Variants in PARD3 observed in about 807,000 individuals in gnomAD.
The protein encoded by PARD3 is partitioning defective 3 homolog.
A neutral mutation model predicts 155.4 loss-of-function variants in PARD3; 75 were observed. The ratio of observed to expected loss-of-function variants is 0.48; its 90% CI spans 0.40 to 0.58. The LOEUF (loss-of-function observed/expected upper bound fraction) is 0.58. PARD3 is among the 20% of genes least tolerant of loss of function. The probability of loss-of-function intolerance (pLI) is 0.00; values close to 1 mark genes in which losing one functional copy is unlikely to be tolerated. For synonymous variants in PARD3, 576 were observed against 610.5 expected, an observed-to-expected ratio of 0.94 and a Z score of 0.83; for missense variants, 1,642 against 1,721.7, an observed-to-expected ratio of 0.95 and a Z score of 0.82.
At chr10:34,276,845 CAT>C (rs978567530) in intron 21 of PARD3, among the ~76,000 whole-genome samples, 8 of 152,112 alleles carry the variant, frequency 5.3e-5, no homozygotes, top group Non-Finnish European at 8.8e-5. Context: ...TCTCTTTTTA[CAT>C]GTTGTATTTT....
intron 1 of PARD3, among the ~76,000 whole-genome samples, chr10:34,709,561 G>A (rs2094420051): frequency 6.6e-6 from 1 of 152,304 alleles, no homozygotes; most frequent in Non-Finnish European, 1.5e-5. Context: ...GGTGGAGGCG[G>A]GGGCCACACA....
chr10:34,138,886 C>G (rs1283351573), intron 22 of PARD3, among the ~76,000 whole-genome samples: 1 of 151,320 alleles, frequency 6.6e-6, no homozygotes, highest in Non-Finnish European at 1.5e-5. Context: ...TTATTCTTTT[C>G]CCAATTAAAA....
chr10:34,775,239 C>T (rs1839393284), intron 1 of PARD3, among the ~76,000 whole-genome samples: 1 of 152,158 alleles, frequency 6.6e-6, no homozygotes, highest in Non-Finnish European at 1.5e-5. Flanking sequence ...ACAAATCAGT[C>T]AGGCATGGTG....
chr10:34,504,510 C>T (rs1177184415), intron 3 of PARD3, among the ~76,000 whole-genome samples: 1 of 151,290 alleles, frequency 6.6e-6, no homozygotes, highest in African/African-American at 2.4e-5. Context: ...TACTAATTTA[C>T]CAATCAATAT....
At chr10:34,214,078 T>C (rs1160584552) in intron 22 of PARD3, among the ~76,000 whole-genome samples, 1 of 151,966 alleles carries the variant, frequency 6.6e-6, no homozygotes. Context: ...AAAATATATT[T>C]TTTGTAGAGA....
chr10:34,508,221 C>T (rs1046751662), intron 3 of PARD3, among the ~76,000 whole-genome samples: 2 of 151,772 alleles, frequency 1.3e-5, no homozygotes, highest in African/African-American at 4.8e-5. Flanking sequence ...GACAAATTTC[C>T]CAAGTAATGG....
chr10:34,607,555 C>T (rs2090564555), intron 2 of PARD3, among the ~76,000 whole-genome samples: 2 of 152,164 alleles, frequency 1.3e-5, no homozygotes, highest in African/African-American at 2.4e-5. Flanking sequence ...TACACAAATT[C>T]CAAATGACAG....
intron 2 of PARD3, among the ~76,000 whole-genome samples, chr10:34,539,350 ATAAAT>A (rs2083442565): frequency 1.3e-5 from 2 of 152,228 alleles, no homozygotes; most frequent in Admixed American, 1.3e-4. Flanking sequence ...TTACAGTTAA[ATAAAT>A]TAAAAAGCAG....
At chr10:34,250,044 C>T (rs1954201225) in intron 22 of PARD3, among the ~76,000 whole-genome samples, 1 of 152,148 alleles carries the variant, frequency 6.6e-6, no homozygotes, top group Non-Finnish European at 1.5e-5. Context: ...AAACTATGTA[C>T]TTCCTGCCTG....
chr10:34,419,313 T>A (rs1197872435), intron 5 of PARD3, among the ~76,000 whole-genome samples: 1 of 151,978 alleles, frequency 6.6e-6, no homozygotes, highest in Non-Finnish European at 1.5e-5. Context: ...GGTCAGGAGT[T>A]CAAGACCAGC....
chr10:34,283,085 T>C (rs1264171406), intron 21 of PARD3, among the ~76,000 whole-genome samples: 8 of 152,136 alleles, frequency 5.3e-5, no homozygotes, highest in East Asian at 1.9e-4. Flanking sequence ...GAAGGATGAA[T>C]GAAAAAATAC....
chr10:34,323,161 C>T (rs1958479358), intron 19 of PARD3, among the ~76,000 whole-genome samples: 1 of 152,082 alleles, frequency 6.6e-6, no homozygotes, highest in Non-Finnish European at 1.5e-5. Flanking sequence ...GTTTTTATTT[C>T]TTATTTTGGT....
intron 3 of PARD3, among the ~76,000 whole-genome samples, chr10:34,484,099 A>C (rs2133236611): frequency 6.6e-6 from 1 of 152,262 alleles, no homozygotes; most frequent in African/African-American, 2.4e-5. Context: ...AGCACGAAAA[A>C]CATGGCACCA....
chr10:34,694,162 AAAAGAAAC>A (rs1251749833), intron 2 of PARD3, among the ~76,000 whole-genome samples: 1 of 150,252 alleles, frequency 6.7e-6, no homozygotes, highest in Non-Finnish European at 1.5e-5. Flanking sequence ...AAGAAAAAAA[AAAAGAAAC>A]AAAAAAAAGA....
chr10:34,241,589 A>G (rs1953600292), intron 22 of PARD3, among the ~76,000 whole-genome samples: 2 of 152,236 alleles, frequency 1.3e-5, no homozygotes, highest in African/African-American at 2.4e-5. Context: ...CTGAGCTCTC[A>G]ATACAGAGCA....
chr10:34,546,105 T>A lies in PARD3; in HGVS notation c.223-28946A>T, dbSNP rs1409686320. Among the ~76,000 whole-genome samples the A allele has an allele frequency of 2.6e-5, 4 of 152,236 alleles. No individual in the cohort carries two copies. In the East Asian group the frequency reaches 7.7e-4, roughly 29 times the overall value. ...TACAATAAATAAAATATATGTTGTA[T>A]ACTTTTAAAACCTAACAAATTACCA... is the stretch of plus-strand genomic sequence containing the variant. On this transcript the variant is annotated intron_variant, in intron 2 of 24. Transcript: ENST00000374788.
intron 22 of PARD3, among the ~76,000 whole-genome samples, chr10:34,145,664 A>T (rs1245284870): frequency 6.6e-6 from 1 of 152,144 alleles, no homozygotes; most frequent in Non-Finnish European, 1.5e-5. Context: ...TGGTTTTAAC[A>T]TCATTTCTAT....
At chr10:34,431,740 CAAAAAAA>C (rs57001926) in intron 5 of PARD3, among the ~76,000 whole-genome samples, 6 of 25,178 alleles carry the variant, frequency 2.4e-4, no homozygotes, top group East Asian at 1.5e-3. Context: ...AACTCTGTCT[CAAAAAAA>C]AAAAAAAAAA....
chr10:34,470,127 G>A lies in PARD3; in HGVS notation c.540C>T (p.Leu180=). 5 of 1,612,996 alleles carry A rather than the reference G, an allele frequency of 3.1e-6. No individual in the cohort carries two copies. The highest frequency in any genetic ancestry group is 4.2e-6 in the Non-Finnish European group (5 of 1,179,582). Residue 180 remains leucine, a synonymous_variant, in exon 4 of 25, where the codon CTC becomes CTT. Transcript: ENST00000374788. ...TAGGACTCCCAGCAGTGTTCTGCTT[G>A]AGGAAGCCAGCTGTTGTTGACCAGC... ...PTRWSTTAGF[L]KQNTAGSPKT...
Sources: gnomAD v4.1 joint callset for allele counts (sites outside exome capture counted in the v4.1 genomes callset) on GRCh38, gnomAD v4.1.1 for gene constraint, MANE v1.5 for transcripts, NCBI Gene and HGNC (gene_info 2026-07-23, HGNC 2026-07-21) for gene names.